Variants in ZFHX3 observed in about 807,000 individuals in gnomAD.
ZFHX3 encodes zinc finger homeobox protein 3.
ZFHX3 carries 42 observed loss-of-function variants against 279.1 expected under a neutral mutation model. The observed-to-expected ratio is 0.15, with a 90% CI of 0.12 to 0.19. ZFHX3 has a LOEUF of 0.19. Ranked by LOEUF, ZFHX3 falls within the 10% of genes least tolerant of loss-of-function variation. The pLI is 1.00. For synonymous variants in ZFHX3, 2,293 were observed against 1,957.8 expected, an observed-to-expected ratio of 1.17 and a Z score of -4.52; for missense variants, 4,981 against 4,754.0, an observed-to-expected ratio of 1.05 and a Z score of -1.40.
chr16:72,927,023 G>A (rs988562680), intron 3 of ZFHX3, among the ~76,000 whole-genome samples: 10 of 152,198 alleles, frequency 6.6e-5, no homozygotes, highest in Admixed American at 2.0e-4. Context: ...TCCCAGCATA[G>A]GGGCTTCTCA....
At chr16:72,969,601 A>G (rs1238154081) in intron 1 of ZFHX3, among the ~76,000 whole-genome samples, 2 of 152,134 alleles carry the variant, frequency 1.3e-5, no homozygotes, top group Non-Finnish European at 2.9e-5. Context: ...ACTACACTGA[A>G]GCAACTATCC....
At chr16:73,461,573 C>T (rs1318567204) in intron 2 of ZFHX3, among the ~76,000 whole-genome samples, 1 of 152,080 alleles carries the variant, frequency 6.6e-6, no homozygotes, top group Non-Finnish European at 1.5e-5. Context: ...ATGGTGTAAA[C>T]CAAGATTGAG....
At chr16:72,955,237 T>C (rs1961198153) in intron 2 of ZFHX3, among the ~76,000 whole-genome samples, 1 of 152,160 alleles carries the variant, frequency 6.6e-6, no homozygotes, top group Non-Finnish European at 1.5e-5. Context: ...CACTGGAAAT[T>C]CAAGAGCCCT....
intron 4 of ZFHX3, among the ~76,000 whole-genome samples, chr16:73,278,500 CAA>C (rs1477546457): frequency 6.6e-6 from 1 of 152,182 alleles, no homozygotes; most frequent in Non-Finnish European, 1.5e-5. Flanking sequence ...GGCACAGACC[CAA>C]AGAGTGAGCA....
chr16:73,023,943 A>G (rs1309215288), intron 1 of ZFHX3, among the ~76,000 whole-genome samples: 1 of 152,168 alleles, frequency 6.6e-6, no homozygotes, highest in Non-Finnish European at 1.5e-5. Context: ...CTATCTGTAG[A>G]CTGGGTAGAA....
At chr16:73,411,900 G>A (rs989648769) in intron 3 of ZFHX3, among the ~76,000 whole-genome samples, 1 of 152,184 alleles carries the variant, frequency 6.6e-6, no homozygotes, top group East Asian at 1.9e-4. Flanking sequence ...GATAGCAGGT[G>A]CCTCCATGTG....
At chr16:73,743,363 T>G (rs1266157304) in intron 1 of ZFHX3, among the ~76,000 whole-genome samples, 1 of 152,232 alleles carries the variant, frequency 6.6e-6, no homozygotes, top group African/African-American at 2.4e-5. Flanking sequence ...ACTGTCTTTG[T>G]CATCGCAAAT....
intron 3 of ZFHX3, among the ~76,000 whole-genome samples, chr16:73,366,651 T>C (rs9931094): frequency 0.16 from 24,368 of 150,978 alleles, 2,157 homozygotes; most frequent in Middle Eastern, 0.23. Flanking sequence ...GAGCAATGGT[T>C]CCAGAGTAGC....
At chr16:73,561,288 C>T (rs1235765299) in intron 2 of ZFHX3, among the ~76,000 whole-genome samples, 1 of 152,128 alleles carries the variant, frequency 6.6e-6, no homozygotes, top group African/African-American at 2.4e-5. Flanking sequence ...GGGAACTATG[C>T]ATTAAGGTCA....
intron 7 of ZFHX3, among the ~76,000 whole-genome samples, chr16:72,803,141 G>A (rs1597251708): frequency 6.6e-6 from 1 of 152,152 alleles, no homozygotes; most frequent in Non-Finnish European, 1.5e-5. Flanking sequence ...AGACCAGCCT[G>A]GCCAACATGG....
At chr16:72,848,235 C>G (rs917741611) in intron 4 of ZFHX3, among the ~76,000 whole-genome samples, 5 of 152,134 alleles carry the variant, frequency 3.3e-5, no homozygotes, top group East Asian at 1.9e-4. Flanking sequence ...CTGTTCCCTG[C>G]GCTAAGCAGT....
chr16:73,340,283 T>A (rs541799255), intron 3 of ZFHX3, among the ~76,000 whole-genome samples: 2 of 152,352 alleles, frequency 1.3e-5, no homozygotes, highest in Non-Finnish European at 1.5e-5. Flanking sequence ...AGTCTGGGAA[T>A]ACAGCCAAGT....
At chr16:73,458,246 G>T (rs2018408479) in intron 2 of ZFHX3, among the ~76,000 whole-genome samples, 1 of 151,876 alleles carries the variant, frequency 6.6e-6, no homozygotes, top group Non-Finnish European at 1.5e-5. Context: ...CACCCAAGTA[G>T]AATTCTTTTT....
intron 1 of ZFHX3, among the ~76,000 whole-genome samples, chr16:72,983,708 GA>G (rs1419160046): frequency 1.4e-4 from 20 of 140,406 alleles, no homozygotes; most frequent in Non-Finnish European, 1.1e-4. Context: ...TCTTGTCTCA[GA>G]AAAAAAAAAA....
chr16:73,592,003 G>A (rs1178794915), intron 2 of ZFHX3, among the ~76,000 whole-genome samples: 1 of 151,972 alleles, frequency 6.6e-6, no homozygotes, highest in East Asian at 1.9e-4. Flanking sequence ...AGGCTGAGGT[G>A]GGGAGATCAC....
At chr16:72,822,607 A>G (rs1303322200) in intron 5 of ZFHX3, among the ~76,000 whole-genome samples, 1 of 152,244 alleles carries the variant, frequency 6.6e-6, no homozygotes, top group Non-Finnish European at 1.5e-5. Context: ...GCTGGAACAA[A>G]GCAGGCAAGA....
At chr16:73,359,751 G>T (rs1368655739) in intron 3 of ZFHX3, among the ~76,000 whole-genome samples, 2 of 152,222 alleles carry the variant, frequency 1.3e-5, no homozygotes, top group African/African-American at 4.8e-5. Flanking sequence ...AAGCCCCGAG[G>T]CATGAGTGTT....
intron 4 of ZFHX3, among the ~76,000 whole-genome samples, chr16:73,286,675 G>C (rs2014608460): frequency 6.6e-6 from 1 of 151,468 alleles, no homozygotes; most frequent in Non-Finnish European, 1.5e-5. Flanking sequence ...CTGTGTGGAT[G>C]TGTGGGTTGG....
At chr16:73,183,514 T>C (rs1967846476) in intron 5 of ZFHX3, among the ~76,000 whole-genome samples, 1 of 152,194 alleles carries the variant, frequency 6.6e-6, no homozygotes, top group Admixed American at 6.5e-5. Flanking sequence ...AAGGGGTCCA[T>C]CCAATGTTCC....
Sources: allele counts gnomAD v4.1 joint callset (sites outside exome capture counted in the v4.1 genomes callset), GRCh38; gene constraint gnomAD v4.1.1; transcripts MANE v1.5; gene names NCBI Gene and HGNC (gene_info 2026-07-23, HGNC 2026-07-21).